CSMD1: variants seen among roughly 807,000 people sequenced by gnomAD.
CSMD1 encodes the protein CUB and Sushi multiple domains 1, also known as CUB and sushi domain-containing protein 1.
In CSMD1, 213 loss-of-function variants were observed where a neutral mutation model predicts 417.5. The ratio of observed to expected loss-of-function variants is 0.51; its 90% CI spans 0.46 to 0.57. The LOEUF (loss-of-function observed/expected upper bound fraction) is 0.57, where lower values mean the gene tolerates loss of function less well. CSMD1 is among the 20% of genes least tolerant of loss of function. The pLI is 0.00. For synonymous variants in CSMD1, 2,862 were observed against 1,736.8 expected (o/e 1.65, Z -16.11); for missense variants, 6,923 against 4,529.7 (o/e 1.53, Z -15.17).
In CSMD1 at chr8:4,232,439, T is replaced by G. The variant is rs527644330; in HGVS notation, c.415+187514A>C. Among the ~76,000 whole-genome samples the G allele has an allele frequency of 7.2e-5, 11 of 152,290 alleles. No individual in the cohort carries two copies. The East Asian group carries it at 2.1e-3, about 29-fold the overall frequency. ...GTCTTGAACTCCTGACCTCAGGTGATCTGCCCACCTCAGATTCCCAAAGTG... is the reference window on the plus strand; with the variant it reads ...GTCTTGAACTCCTGACCTCAGGTGAGCTGCCCACCTCAGATTCCCAAAGTG... On this transcript the variant is annotated intron_variant, in intron 3 of 69. Coordinates refer to ENST00000635120, the MANE Select transcript of CSMD1 (RefSeq NM_033225.6).
At chr8:4,374,148 T>C (rs952314847) in intron 3 of CSMD1, among the ~76,000 whole-genome samples, 18 of 152,242 alleles carry the variant, frequency 1.2e-4, no homozygotes, top group African/African-American at 4.3e-4. Context: ...GATAAGTACG[T>C]CCTTACCCTC....
At position 3,449,802 on chromosome 8, in the gene CSMD1, G is replaced by A. The variant is rs1027114805; in HGVS notation, c.1561+18910C>T. On this transcript the variant is annotated intron_variant, in intron 12 of 69. Coordinates refer to ENST00000635120, the MANE Select transcript of CSMD1 (RefSeq NM_033225.6). Reference sequence around the variant, plus strand: ...CAAAGTGCCAGCATTACAGGCATGAGCCACTGCACCTAGCCGAGAGCAACA... The same window carrying A: ...CAAAGTGCCAGCATTACAGGCATGAACCACTGCACCTAGCCGAGAGCAACA... Among the ~76,000 whole-genome samples, 3 of 152,184 alleles carry A rather than the reference G, an allele frequency of 2.0e-5. No individual in the cohort carries two copies. The East Asian group carries it at 5.8e-4, about 29-fold the overall frequency.
intron 3 of CSMD1, among the ~76,000 whole-genome samples, chr8:4,273,177 G>A (rs1056131196): frequency 1.3e-5 from 2 of 152,034 alleles, no homozygotes; most frequent in Non-Finnish European, 2.9e-5. Context: ...AAGAGATTTG[G>A]ATAACTCATT....
intron 5 of CSMD1, among the ~76,000 whole-genome samples, chr8:3,960,590 A>C (rs565446555): frequency 3.9e-5 from 6 of 152,298 alleles, no homozygotes; most frequent in Non-Finnish European, 8.8e-5. Context: ...AAAGCAAAAA[A>C]GTTATTTTAA....
chr8:4,671,988 C>A (rs1328612666), intron 1 of CSMD1, among the ~76,000 whole-genome samples: 1 of 152,200 alleles, frequency 6.6e-6, no homozygotes, highest in East Asian at 1.9e-4. Flanking sequence ...TTTCTCAGAA[C>A]ATCCAGCATG....
At chr8:4,356,491 G>A (rs534318472) in intron 3 of CSMD1, among the ~76,000 whole-genome samples, 1 of 152,278 alleles carries the variant, frequency 6.6e-6, no homozygotes, top group South Asian at 2.1e-4. Context: ...AGATACCTGG[G>A]AGTGGGATTG....
chr8:3,144,248 G>A (rs150731572), intron 40 of CSMD1, among the ~76,000 whole-genome samples: 60 of 151,140 alleles, frequency 4.0e-4, no homozygotes, highest in Admixed American at 2.1e-3. Context: ...CCGCACTAAC[G>A]GACAAAGGCC....
chr8:3,524,026 C>G lies in CSMD1; in HGVS notation c.1345-30300G>C, dbSNP rs573261106. 4.3e-3 allele frequency among the ~76,000 whole-genome samples: 635 copies of G among 146,524 alleles called. 10 individuals are homozygous for G. The highest frequency in any genetic ancestry group is 0.015 in the African/African-American group (590 of 39,492). ...ATGCACACATGTGCACGTGCACACA[C>G]ACACACATGCACACCCAGAGACACG... On this transcript the variant is annotated intron_variant, in intron 10 of 69. Transcript: ENST00000635120.
chr8:4,053,369 A>G (rs2554536), intron 3 of CSMD1, among the ~76,000 whole-genome samples: 137,392 of 152,112 alleles, frequency 0.9, 62,243 homozygotes, highest in East Asian at 0.99. Context: ...TAAATTCTCT[A>G]CAGACAGTGT....
intron 5 of CSMD1, among the ~76,000 whole-genome samples, chr8:3,806,121 T>C (rs1415499080): frequency 2.0e-5 from 3 of 152,182 alleles, no homozygotes; most frequent in Non-Finnish European, 4.4e-5. Context: ...GTAGTATTTA[T>C]GAAAGCATCA....
At chr8:3,373,612 G>A (rs1810114738) in intron 18 of CSMD1, 1 of 152,140 alleles carries the variant, frequency 6.6e-6, no homozygotes, top group Non-Finnish European at 1.5e-5. Flanking sequence ...ACAGGTGAGG[G>A]CTGTATTCAT....
At chr8:4,195,757 C>T (rs1374276028) in intron 3 of CSMD1, among the ~76,000 whole-genome samples, 2 of 152,088 alleles carry the variant, frequency 1.3e-5, no homozygotes, top group Admixed American at 6.5e-5. Context: ...GTGCTCATGC[C>T]AGGAGGTAGT....
At chr8:4,111,332 C>T (rs571369130) in intron 3 of CSMD1, among the ~76,000 whole-genome samples, 19 of 151,746 alleles carry the variant, frequency 1.3e-4, no homozygotes, top group African/African-American at 3.1e-4. Flanking sequence ...TCTGCTGTTA[C>T]GAAAAAAGAC....
chr8:3,299,804 A>AT (rs1269983983), intron 25 of CSMD1, among the ~76,000 whole-genome samples: 1 of 151,996 alleles, frequency 6.6e-6, no homozygotes, highest in Admixed American at 6.6e-5. Flanking sequence ...TGTTTGGAAT[A>AT]TTTTTTTTCT....
chr8:4,298,190 A>C (rs1277071171), intron 3 of CSMD1, among the ~76,000 whole-genome samples: 1 of 152,200 alleles, frequency 6.6e-6, no homozygotes, highest in East Asian at 1.9e-4. Context: ...AATCTGCCTT[A>C]GTTAAATGAA....
At chr8:3,948,587 A>G (rs1381184996) in intron 5 of CSMD1, among the ~76,000 whole-genome samples, 1 of 152,132 alleles carries the variant, frequency 6.6e-6, no homozygotes, top group African/African-American at 2.4e-5. Flanking sequence ...CTCATGATAA[A>G]CGATGAACGT....
At chr8:3,388,213 A>G (rs1811132422) in intron 17 of CSMD1, among the ~76,000 whole-genome samples, 1 of 152,244 alleles carries the variant, frequency 6.6e-6, no homozygotes, top group Non-Finnish European at 1.5e-5. Context: ...CCATAAATCC[A>G]TGCTATTTTC....
chr8:4,747,640 T>G (rs2117033810), intron 1 of CSMD1, among the ~76,000 whole-genome samples: 1 of 152,294 alleles, frequency 6.6e-6, no homozygotes, highest in South Asian at 2.1e-4. Flanking sequence ...TTATCAACCT[T>G]CTGCTTTATA....
chr8:4,379,214 C>A (rs1168465275), intron 3 of CSMD1, among the ~76,000 whole-genome samples: 1 of 152,182 alleles, frequency 6.6e-6, no homozygotes, highest in Non-Finnish European at 1.5e-5. Flanking sequence ...TAAATTCAAC[C>A]AAATTATGGG....
Sources: gnomAD v4.1 joint callset for allele counts (sites outside exome capture counted in the v4.1 genomes callset) on GRCh38, gnomAD v4.1.1 for gene constraint, MANE v1.5 for transcripts, NCBI Gene and HGNC (gene_info 2026-07-23, HGNC 2026-07-21) for gene names.